Variants in ATP6V1H observed in about 807,000 individuals in gnomAD.
ATP6V1H encodes V-type proton ATPase subunit H.
ATP6V1H carries 39 observed loss-of-function variants against 71.7 expected under a neutral mutation model. That is an observed-to-expected ratio of 0.54 (90% CI 0.42 to 0.71). The LOEUF is 0.71. Among genes scored for constraint, ATP6V1H ranks in the 30% least tolerant of loss-of-function variants. The probability of loss-of-function intolerance (pLI) is 0.00; values close to 1 mark genes in which losing one functional copy is unlikely to be tolerated. For synonymous variants in ATP6V1H, 192 were observed against 199.3 expected, an observed-to-expected ratio of 0.96 and a Z score of 0.31; for missense variants, 509 against 594.9, an observed-to-expected ratio of 0.86 and a Z score of 1.50.
At chr8:53,727,177 C>A (rs1287517994) in intron 13 of ATP6V1H, among the ~76,000 whole-genome samples, 3 of 152,246 alleles carry the variant, frequency 2.0e-5, no homozygotes. Context: ...CTCTTCAGGG[C>A]CTTGCCTCCA....
chr8:53,820,265 T>G (rs551988880), intron 4 of ATP6V1H, among the ~76,000 whole-genome samples: 96 of 151,816 alleles, frequency 6.3e-4, no homozygotes, highest in African/African-American at 2.2e-3. Context: ...TGGAAAGGCA[T>G]CATTTTTGAG....
intron 13 of ATP6V1H, among the ~76,000 whole-genome samples, chr8:53,737,617 G>A (rs962127825): frequency 6.6e-6 from 1 of 152,310 alleles, no homozygotes; most frequent in East Asian, 1.9e-4. Context: ...CCGTGTGGTG[G>A]GAGAAATCTG....
At chr8:53,780,923 C>T (rs1809099912) in intron 9 of ATP6V1H, among the ~76,000 whole-genome samples, 1 of 152,170 alleles carries the variant, frequency 6.6e-6, no homozygotes, top group South Asian at 2.1e-4. Flanking sequence ...GCCACATTTT[C>T]TTAATCCAGT....
intron 6 of ATP6V1H, 46 bp downstream of exon 6, chr8:53,814,616 G>C (rs754739208): frequency 9.8e-7 from 1 of 1,017,966 alleles, no homozygotes; most frequent in East Asian, 2.4e-5. Flanking sequence ...AAAAGAACAC[G>C]GATGTTATAT....
chr8:53,809,868 C>G (rs1043723497), intron 7 of ATP6V1H, among the ~76,000 whole-genome samples: 3 of 152,138 alleles, frequency 2.0e-5, no homozygotes, highest in Non-Finnish European at 4.4e-5. Context: ...ATTTCCTCAG[C>G]CCACCATGGC....
intron 13 of ATP6V1H, among the ~76,000 whole-genome samples, chr8:53,739,814 A>G (rs918458134): frequency 6.6e-6 from 1 of 152,244 alleles, no homozygotes; most frequent in African/African-American, 2.4e-5. Context: ...GGTGGGCACA[A>G]AAAGATAAGA....
rs116069347 is a variant in ATP6V1H at position 53,815,844 on chromosome 8, G to C, written c.421-1078C>G. On this transcript the variant is annotated intron_variant, in intron 5 of 13. Transcript: ENST00000359530. ...ATAAGCTAGCATAAGCTCTTTATCAGCACATGGTTAAACCAATGGGAGTCT... is the reference window on the plus strand; with the variant it reads ...ATAAGCTAGCATAAGCTCTTTATCACCACATGGTTAAACCAATGGGAGTCT... Among the ~76,000 whole-genome samples, 407 of 152,298 alleles carry C rather than the reference G, an allele frequency of 2.7e-3. 1 individual carries two copies. Among genetic ancestry groups the C allele is most frequent in the African/African-American group, 9.3e-3 (385 of 41,538 alleles).
At chr8:53,731,188 T>C (rs968461289) in intron 13 of ATP6V1H, among the ~76,000 whole-genome samples, 1 of 151,872 alleles carries the variant, frequency 6.6e-6, no homozygotes, top group Non-Finnish European at 1.5e-5. Context: ...CTCCACCAAC[T>C]CACTCCTTAA....
At chr8:53,749,550 C>T (rs1807722715) in intron 12 of ATP6V1H, among the ~76,000 whole-genome samples, 1 of 152,140 alleles carries the variant, frequency 6.6e-6, no homozygotes, top group African/African-American at 2.4e-5. Context: ...GTCTCTCGTT[C>T]CTGCTGGAGG....
chr8:53,739,417 TTC>T (rs1297751949), intron 13 of ATP6V1H: 1 of 152,186 alleles, frequency 6.6e-6, no homozygotes, highest in Non-Finnish European at 1.5e-5. Context: ...TGGTGAGTTT[TTC>T]TGTTATATTA....
intron 12 of ATP6V1H, among the ~76,000 whole-genome samples, chr8:53,749,546 C>A (rs1017102380): frequency 6.6e-6 from 1 of 152,148 alleles, no homozygotes; most frequent in Non-Finnish European, 1.5e-5. Context: ...CCCAGTCTCT[C>A]GTTCCTGCTG....
At chr8:53,806,464 C>G (rs1253043787) in intron 7 of ATP6V1H, among the ~76,000 whole-genome samples, 3 of 151,732 alleles carry the variant, frequency 2.0e-5, no homozygotes, top group Non-Finnish European at 4.4e-5. Context: ...AATAGTTTTA[C>G]TATTGGTTTA....
Position 53,808,825 on chromosome 8 carries a change from G to T in ATP6V1H, c.579+2339C>A, listed in dbSNP as rs185851364. On this transcript the variant is annotated intron_variant, in intron 7 of 13. Coordinates refer to ENST00000359530, the MANE Select transcript of ATP6V1H (RefSeq NM_015941.4). ...CAAAAAAAAAAAAAACAAAATGTTTGTAATGATCCACTTATAACTTAAAAT... is the reference window on the plus strand; with the variant it reads ...CAAAAAAAAAAAAAACAAAATGTTTTTAATGATCCACTTATAACTTAAAAT... Among the ~76,000 whole-genome samples the T allele has an allele frequency of 2.1e-3, 323 of 151,676 alleles. 2 individuals are homozygous for T. The highest frequency in any genetic ancestry group is 7.6e-3 in the African/African-American group (313 of 41,340).
At chr8:53,835,934 C>T (rs950062682) in intron 2 of ATP6V1H, among the ~76,000 whole-genome samples, 1 of 152,136 alleles carries the variant, frequency 6.6e-6, no homozygotes, top group African/African-American at 2.4e-5. Context: ...CATTATTTCC[C>T]CCGGTCCCCA....
At position 53,772,147 on chromosome 8, in the gene ATP6V1H, A is replaced by G. The variant is rs761304968; in HGVS notation, c.891T>C (p.Thr297=). The change falls in exon 10 of 14, where the codon ACT becomes ACC. Residue 297 remains threonine (T), a synonymous_variant. Transcript: ENST00000359530. ...AAFRNFLEKS[T]ERETRQEYAL... ...CATATTCTTGGCGAGTTTCTCTTTC[A>G]GTTGATTTTTCTAAAAAGTTCTGGG... 1.3e-5 allele frequency: 21 copies of G among 1,611,944 alleles called. No individual in the cohort carries two copies. Among genetic ancestry groups the G allele is most frequent in the Non-Finnish European group, 1.7e-5 (20 of 1,179,492 alleles).
intron 8 of ATP6V1H, among the ~76,000 whole-genome samples, chr8:53,798,728 T>C (rs1013477655): frequency 6.6e-6 from 1 of 152,238 alleles, no homozygotes; most frequent in Non-Finnish European, 1.5e-5. Context: ...GAAATTGCTA[T>C]ACTTTCAGCA....
chr8:53,818,590 T>C (rs778721331), intron 4 of ATP6V1H, among the ~76,000 whole-genome samples: 1 of 152,172 alleles, frequency 6.6e-6, no homozygotes, highest in African/African-American at 2.4e-5. Context: ...GAGCCATCAT[T>C]GCTTCATTGG....
intron 12 of ATP6V1H, among the ~76,000 whole-genome samples, chr8:53,749,955 G>T (rs1021020297): frequency 1.3e-5 from 2 of 152,142 alleles, no homozygotes; most frequent in African/African-American, 4.8e-5. Context: ...GGGGCCACAG[G>T]TGTTTTGTGC....
intron 1 of ATP6V1H, among the ~76,000 whole-genome samples, chr8:53,842,114 T>A (rs1230170988): frequency 6.6e-6 from 1 of 152,228 alleles, no homozygotes; most frequent in East Asian, 1.9e-4. Context: ...ATAGTACGGA[T>A]AAGGCTAGTT....
Sources: allele counts gnomAD v4.1 joint callset (sites outside exome capture counted in the v4.1 genomes callset), GRCh38; gene constraint gnomAD v4.1.1; transcripts MANE v1.5; gene names NCBI Gene and HGNC (gene_info 2026-07-23, HGNC 2026-07-21).